The following COL28A1 variants were observed in gnomAD, a reference collection of about 807,000 sequenced individuals.
COL28A1 encodes the protein collagen alpha-1(XXVIII) chain.
In COL28A1, 161 loss-of-function variants were observed where a neutral mutation model predicts 150.2. The ratio of observed to expected loss-of-function variants is 1.07; its 90% CI spans 0.94 to 1.22. The LOEUF (loss-of-function observed/expected upper bound fraction) is 1.22. Ranked by LOEUF, COL28A1 falls within the 50% of genes most tolerant of loss-of-function variation. The probability of loss-of-function intolerance (pLI) is 0.00; values close to 1 mark genes in which losing one functional copy is unlikely to be tolerated. For missense variants in COL28A1, 1,617 were observed against 1,388.3 expected (o/e 1.16, Z -2.62); for synonymous variants, 552 against 469.7 (o/e 1.18, Z -2.26).
rs1780430984 is a variant in COL28A1, at chr7:7,358,141, C to G, written c.*492G>C. 6.6e-6 allele frequency: 1 copy of G among 152,324 alleles called. No homozygotes were observed. The allele number at this position is 152,324 out of a possible 1,614,324, so 9.4% of individuals were successfully genotyped here. A position where few individuals can be genotyped will look rare whatever the true frequency, so the allele number is the denominator to read the frequency against. On this transcript the variant is annotated 3_prime_UTR_variant, in exon 35 of 35. Coordinates refer to ENST00000399429, the MANE Select transcript of COL28A1 (RefSeq NM_001037763.3). ...CCATCCCGACTCCTATCCCAGCACT[C>G]CTGCGTAAACATTTACATCATTTCT... is the stretch of plus-strand genomic sequence containing the variant.
intron 27 of COL28A1, among the ~76,000 whole-genome samples, chr7:7,404,875 C>T (rs1997518): frequency 0.17 from 25,697 of 151,994 alleles, 2,450 homozygotes; most frequent in African/African-American, 0.26. Context: ...AGTGAACATT[C>T]ATTTACTATT....
At chr7:7,462,587 G>A (rs781056989) in intron 15 of COL28A1, among the ~76,000 whole-genome samples, 1 of 152,132 alleles carries the variant, frequency 6.6e-6, no homozygotes, top group Non-Finnish European at 1.5e-5. Flanking sequence ...GGCTGAGCAC[G>A]GTGGCTCACA....
chr7:7,396,376 T>C (rs1347861847), intron 27 of COL28A1, among the ~76,000 whole-genome samples: 3 of 152,186 alleles, frequency 2.0e-5, no homozygotes, highest in Admixed American at 2.0e-4. Flanking sequence ...TTCACTCAAA[T>C]ACAAAGCTGG....
intron 33 of COL28A1, among the ~76,000 whole-genome samples, chr7:7,366,081 C>A (rs965028650): frequency 6.6e-6 from 1 of 152,152 alleles, no homozygotes; most frequent in African/African-American, 2.4e-5. Context: ...TGCATTCTGG[C>A]TTTACCCAGT....
intron 15 of COL28A1, among the ~76,000 whole-genome samples, chr7:7,473,638 C>A (rs1009415070): frequency 6.6e-6 from 1 of 152,100 alleles, no homozygotes; most frequent in African/African-American, 2.4e-5. Context: ...AGATTCCTTA[C>A]AGAATTAAAA....
At chr7:7,534,217 C>T (rs1011205807) in intron 1 of COL28A1, among the ~76,000 whole-genome samples, 2 of 152,178 alleles carry the variant, frequency 1.3e-5, no homozygotes, top group Admixed American at 1.3e-4. Flanking sequence ...TATGACCAAA[C>T]ATCTTGTGTA....
intron 20 of COL28A1, among the ~76,000 whole-genome samples, chr7:7,443,138 C>T (rs1785942983): frequency 6.6e-6 from 1 of 151,972 alleles, no homozygotes; most frequent in Non-Finnish European, 1.5e-5. Context: ...CTCATCTTAA[C>T]ATATAAAAAT....
intron 1 of COL28A1, among the ~76,000 whole-genome samples, chr7:7,534,053 G>A (rs1365549414): frequency 6.6e-6 from 1 of 152,128 alleles, no homozygotes; most frequent in Non-Finnish European, 1.5e-5. Flanking sequence ...GAGTGAGATG[G>A]AGACTGACTT....
At chr7:7,381,201 AAGATAACTAATAAATCC>A (rs1781854584) in intron 28 of COL28A1, among the ~76,000 whole-genome samples, 1 of 152,146 alleles carries the variant, frequency 6.6e-6, no homozygotes. Flanking sequence ...AGTATGTTGT[AAGATAACTAATAAATCC>A]TTTATTAGTT....
At chr7:7,472,405 T>C (rs1788510753) in intron 15 of COL28A1, among the ~76,000 whole-genome samples, 1 of 150,912 alleles carries the variant, frequency 6.6e-6, no homozygotes, top group East Asian at 1.9e-4. Flanking sequence ...AATCAAGAAC[T>C]CAACCCTTTT....
intron 3 of COL28A1, 146 bp from the exon 4 acceptor site, chr7:7,524,395 C>T: frequency 1.6e-6 from 1 of 615,402 alleles, no homozygotes; most frequent in Non-Finnish European, 2.9e-6. Context: ...GCAATAAAAC[C>T]AACCAGCCAA....
intron 3 of COL28A1, among the ~76,000 whole-genome samples, chr7:7,526,554 G>A (rs751030290): frequency 3.3e-5 from 5 of 152,092 alleles, no homozygotes; most frequent in Non-Finnish European, 7.4e-5. Flanking sequence ...AAGTCAAATT[G>A]TAATATTTAA....
chr7:7,463,579 T>C (rs931242933), intron 15 of COL28A1, among the ~76,000 whole-genome samples: 8 of 152,116 alleles, frequency 5.3e-5, no homozygotes, highest in African/African-American at 1.9e-4. Context: ...CTAAGCTTCA[T>C]AAATGAAGGA....
chr7:7,452,571 A>T (rs898520010), intron 17 of COL28A1, among the ~76,000 whole-genome samples, 184 bp from the exon 18 acceptor site: 10 of 152,248 alleles, frequency 6.6e-5, no homozygotes, highest in Admixed American at 5.9e-4. Context: ...GTAAATGAAA[A>T]ATGTACATAA....
intron 10 of COL28A1, 88 bp from the exon 11 acceptor site, chr7:7,506,155 C>T (rs772589611): frequency 1.0e-5 from 8 of 800,350 alleles, no homozygotes; most frequent in East Asian, 9.8e-5. Flanking sequence ...GAGATCCTGG[C>T]GATCGAAGTT....
intron 1 of COL28A1, among the ~76,000 whole-genome samples, chr7:7,534,957 C>T (rs1262708203): frequency 1.3e-5 from 2 of 152,140 alleles, no homozygotes; most frequent in Non-Finnish European, 2.9e-5. Context: ...AGTTCTACTG[C>T]TTCCCTGAAA....
intron 1 of COL28A1, 68 bp downstream of exon 1, chr7:7,535,682 A>G (rs938752534): frequency 6.6e-6 from 1 of 152,204 alleles, no homozygotes; most frequent in African/African-American, 2.4e-5. Context: ...TAAGTCATTT[A>G]GTCTTCCACA....
intron 12 of COL28A1, among the ~76,000 whole-genome samples, 167 bp from the exon 13 acceptor site, chr7:7,489,624 T>C (rs564104868): frequency 5.9e-5 from 9 of 152,368 alleles, no homozygotes; most frequent in African/African-American, 2.2e-4. Flanking sequence ...CGAATTTAAG[T>C]GAACAAATTA....
chr7:7,498,946 C>A (rs1423644606), intron 11 of COL28A1, among the ~76,000 whole-genome samples: 1 of 152,124 alleles, frequency 6.6e-6, no homozygotes, highest in Admixed American at 6.6e-5. Context: ...TATACCCCAT[C>A]TGCTGAGAAC....
Sources: gnomAD v4.1 joint callset for allele counts (sites outside exome capture counted in the v4.1 genomes callset) on GRCh38, gnomAD v4.1.1 for gene constraint, MANE v1.5 for transcripts, NCBI Gene and HGNC (gene_info 2026-07-23, HGNC 2026-07-21) for gene names.